The following ZBBX variants were observed in gnomAD, a reference collection of about 807,000 sequenced individuals.
ZBBX encodes zinc finger B-box domain containing.
A neutral mutation model predicts 108.5 loss-of-function variants in ZBBX; 101 were observed. The ratio of observed to expected loss-of-function variants is 0.93; its 90% CI spans 0.79 to 1.10. ZBBX has a LOEUF of 1.10. Ranked by LOEUF, ZBBX falls within the 50% of genes least tolerant of loss-of-function variation. The pLI is 0.00. For missense variants in ZBBX, 1,009 were observed against 941.4 expected (o/e 1.07, Z -0.94); for synonymous variants, 356 against 323.4 (o/e 1.10, Z -1.08).
chr3:167,261,103 C>T (rs976426611), intron 20 of ZBBX, among the ~76,000 whole-genome samples: 7 of 152,216 alleles, frequency 4.6e-5, no homozygotes, highest in South Asian at 2.1e-4. Context: ...GTCTCTCTTC[C>T]GGGTCTAGCC....
chr3:167,282,560 C>T (rs982019937), intron 19 of ZBBX, 65 bp from the exon 20 acceptor site: 61 of 1,370,444 alleles, frequency 4.5e-5, no homozygotes, highest in Middle Eastern at 1.9e-4. Context: ...CTTAAAGATA[C>T]AAAATACCAG....
intron 16 of ZBBX, among the ~76,000 whole-genome samples, chr3:167,307,862 TG>T: frequency 6.6e-6 from 1 of 152,118 alleles, no homozygotes; most frequent in South Asian, 2.1e-4. Context: ...ATGAAAACCC[TG>T]GAAGACAATC....
rs937030835 is a variant in ZBBX at position 167,293,166 on chromosome 3, T to C, written c.1880-4183A>G. Among the ~76,000 whole-genome samples, 8 of 151,942 alleles carry C rather than the reference T, an allele frequency of 5.3e-5. No homozygotes were observed. The East Asian group carries it at 5.8e-4, about 11-fold the overall frequency. On this transcript the variant is annotated intron_variant, in intron 18 of 21. Coordinates refer to ENST00000675490, the MANE Select transcript of ZBBX (RefSeq NM_001199201.2). ...TTCCTTCTGAAACTATTCCAAACAA[T>C]AGAAAAAGAGGGACGCCTCCCTAAC...
chr3:167,221,942 G>C, the ZBBX span, among the ~76,000 whole-genome samples: 1 of 151,954 alleles, frequency 6.6e-6, no homozygotes. Flanking sequence ...GTGGAGAAAA[G>C]GGAACCTTCA....
intron 4 of ZBBX, among the ~76,000 whole-genome samples, chr3:167,369,839 G>T (rs780418590): frequency 6.6e-6 from 1 of 152,102 alleles, no homozygotes; most frequent in African/African-American, 2.4e-5. Flanking sequence ...TCAAAGGGAA[G>T]TGCTGAGTGC....
intron 10 of ZBBX, among the ~76,000 whole-genome samples, chr3:167,333,082 G>A (rs1307582694): frequency 6.6e-6 from 1 of 151,970 alleles, no homozygotes; most frequent in East Asian, 1.9e-4. Flanking sequence ...TCCCTCTGCT[G>A]AAAATAGGTC....
intron 2 of ZBBX, among the ~76,000 whole-genome samples, 196 bp from the exon 3 acceptor site, chr3:167,373,983 T>C (rs890044957): frequency 3.3e-5 from 5 of 152,212 alleles, no homozygotes; most frequent in African/African-American, 1.2e-4. Context: ...GAAGGATACA[T>C]TCATTAAAAC....
chr3:167,269,032 G>A (rs1012634506), intron 20 of ZBBX, among the ~76,000 whole-genome samples: 1 of 152,198 alleles, frequency 6.6e-6, no homozygotes, highest in Non-Finnish European at 1.5e-5. Flanking sequence ...AGATGTGGAA[G>A]GGCAGGCCAC....
chr3:167,333,499 A>C (rs1739012034), intron 10 of ZBBX, among the ~76,000 whole-genome samples: 1 of 152,172 alleles, frequency 6.6e-6, no homozygotes, highest in African/African-American at 2.4e-5. Context: ...AGTCCTGACT[A>C]ATATAAAATT....
the ZBBX span, among the ~76,000 whole-genome samples, chr3:167,203,265 C>T: frequency 1.3e-5 from 2 of 152,042 alleles, no homozygotes; most frequent in Non-Finnish European, 2.9e-5. Context: ...CCCTTGATGT[C>T]TCTTCTTCTG....
At chr3:167,390,490 T>G (rs1748054226) in intron 1 of ZBBX, among the ~76,000 whole-genome samples, 1 of 151,980 alleles carries the variant, frequency 6.6e-6, no homozygotes, top group East Asian at 1.9e-4. Flanking sequence ...CCATATGAAA[T>G]TTAAAGTAGT....
the ZBBX span, among the ~76,000 whole-genome samples, chr3:167,185,931 T>C: frequency 6.6e-6 from 1 of 152,074 alleles, no homozygotes; most frequent in Non-Finnish European, 1.5e-5. Flanking sequence ...TAAAGAAGAC[T>C]CCATTGAATA....
At chr3:167,214,548 T>G in the ZBBX span, among the ~76,000 whole-genome samples, 1 of 152,140 alleles carries the variant, frequency 6.6e-6, no homozygotes, top group Non-Finnish European at 1.5e-5. Flanking sequence ...AGTGTGAGAC[T>G]TCAATATTTC....
At chr3:167,403,098 G>A (rs1162727056) in intron 1 of ZBBX, among the ~76,000 whole-genome samples, 3 of 152,080 alleles carry the variant, frequency 2.0e-5, no homozygotes, top group African/African-American at 4.8e-5. Flanking sequence ...CAGGAAGGTC[G>A]CTGAATCTCC....
At chr3:167,223,220 C>T in the ZBBX span, among the ~76,000 whole-genome samples, 9 of 151,796 alleles carry the variant, frequency 5.9e-5, no homozygotes, top group African/African-American at 1.7e-4. Context: ...CACCCCATAC[C>T]GATTTCTGGC....
At chr3:167,407,790 G>T (rs1236012228) in exon 1 of ZBBX, among the ~76,000 whole-genome samples, 1 of 152,068 alleles carries the variant, frequency 6.6e-6, no homozygotes. Flanking sequence ...GGGTGGCAGA[G>T]GTGAAAGCAA....
At chr3:167,289,023 A>G (rs1051065731) in intron 18 of ZBBX, 40 bp from the exon 19 acceptor site, 11 of 1,425,508 alleles carry the variant, frequency 7.7e-6, no homozygotes, top group Non-Finnish European at 1.0e-5. Flanking sequence ...AAGTTTGAAA[A>G]GAAGAAAATC....
At position 167,364,020 on chromosome 3, in the gene ZBBX, G is replaced by A. The variant is rs115044221; in HGVS notation, c.273+1866C>T. 2.6e-3 allele frequency among the ~76,000 whole-genome samples: 398 copies of A among 152,018 alleles called. 1 individual carries two copies. Among genetic ancestry groups the A allele is most frequent in the African/African-American group, 9.1e-3 (378 of 41,492 alleles). On this transcript the variant is annotated intron_variant, in intron 6 of 21. Coordinates refer to ENST00000675490, the MANE Select transcript of ZBBX (RefSeq NM_001199201.2). ...CAAGTTTACAAGTGTAGTAATAGAGGCTTGGAAAGGTTAAGTGAATGTTAA... is the reference window on the plus strand; with the variant it reads ...CAAGTTTACAAGTGTAGTAATAGAGACTTGGAAAGGTTAAGTGAATGTTAA...
In ZBBX at chr3:167,269,213, C is replaced by T. The variant is rs546185613; in HGVS notation, c.2254+13025G>A. Among the ~76,000 whole-genome samples the T allele has an allele frequency of 5.3e-5, 8 of 152,268 alleles. No homozygotes were observed. In the South Asian group the frequency reaches 1.0e-3, roughly 20 times the overall value. ...ATCATGAGCTTATCACCTTTCTAGT[C>T]GATTCAGGGGCCGCTCGCTCCTCTG... On this transcript the variant is annotated intron_variant, in intron 20 of 21. Coordinates refer to ENST00000675490, the MANE Select transcript of ZBBX (RefSeq NM_001199201.2).
Sources: gnomAD v4.1 joint callset for allele counts (sites outside exome capture counted in the v4.1 genomes callset) on GRCh38, gnomAD v4.1.1 for gene constraint, MANE v1.5 for transcripts, NCBI Gene and HGNC (gene_info 2026-07-23, HGNC 2026-07-21) for gene names.